The following SORCS1 variants were observed in gnomAD, a reference collection of about 807,000 sequenced individuals.
The protein encoded by SORCS1 is sortilin related VPS10 domain containing receptor 1.
Under a neutral mutation model 146.1 loss-of-function variants are expected in SORCS1, and 60 were observed. That is an observed-to-expected ratio of 0.41 (90% CI 0.33 to 0.51). The LOEUF is 0.51. SORCS1 is among the 20% of genes least tolerant of loss of function. The pLI is 0.21. For synonymous variants in SORCS1, 637 were observed against 584.0 expected, an observed-to-expected ratio of 1.09 and a Z score of -1.31; for missense variants, 1,352 against 1,487.6, an observed-to-expected ratio of 0.91 and a Z score of 1.50.
chr10:106,928,836 C>G (rs953252875), intron 2 of SORCS1, among the ~76,000 whole-genome samples: 1 of 151,038 alleles, frequency 6.6e-6, no homozygotes, highest in Admixed American at 6.6e-5. Flanking sequence ...CCCCCAATAC[C>G]TATTTTTTAT....
chr10:106,682,616 G>C (rs1852522937), intron 10 of SORCS1, among the ~76,000 whole-genome samples: 1 of 152,108 alleles, frequency 6.6e-6, no homozygotes, highest in South Asian at 2.1e-4. Context: ...AGTTTCTGAA[G>C]GACACAGGAC....
intron 2 of SORCS1, among the ~76,000 whole-genome samples, chr10:106,899,337 G>A (rs1479969356): frequency 6.6e-6 from 1 of 152,146 alleles, no homozygotes; most frequent in Non-Finnish European, 1.5e-5. Flanking sequence ...GCATTAATAG[G>A]AGAAGAGTAA....
At chr10:107,145,396 G>T (rs1037168974) in intron 1 of SORCS1, among the ~76,000 whole-genome samples, 1 of 152,130 alleles carries the variant, frequency 6.6e-6, no homozygotes, top group African/African-American at 2.4e-5. Flanking sequence ...TACAAAAATG[G>T]TTTTGTCTAA....
chr10:106,707,050 TG>T (rs1392762591), intron 7 of SORCS1, among the ~76,000 whole-genome samples: 1 of 152,158 alleles, frequency 6.6e-6, no homozygotes, highest in African/African-American at 2.4e-5. Flanking sequence ...CTCACATCTC[TG>T]GGCACTGAAT....
chr10:107,152,725 C>G (rs889096003), intron 1 of SORCS1, among the ~76,000 whole-genome samples: 1 of 152,142 alleles, frequency 6.6e-6, no homozygotes. Context: ...CTGGCGACAC[C>G]GAACTGTGAG....
chr10:107,084,308 G>A (rs966967832), intron 1 of SORCS1, among the ~76,000 whole-genome samples: 36 of 146,582 alleles, frequency 2.5e-4, no homozygotes, highest in African/African-American at 7.6e-4. Flanking sequence ...TGGTTTCACC[G>A]TAGCCAGGAT....
chr10:106,732,980 G>A (rs531004431), intron 5 of SORCS1, among the ~76,000 whole-genome samples: 13 of 147,490 alleles, frequency 8.8e-5, no homozygotes, highest in African/African-American at 3.5e-4. Context: ...TTAGCTGGGT[G>A]TGGTGGTGTG....
At chr10:107,009,236 G>T (rs1325320881) in intron 1 of SORCS1, among the ~76,000 whole-genome samples, 2 of 152,172 alleles carry the variant, frequency 1.3e-5, no homozygotes, top group Non-Finnish European at 2.9e-5. Context: ...ACTGTAAAAT[G>T]TTGTGACCCT....
chr10:107,046,138 G>A (rs1959398372), intron 1 of SORCS1, among the ~76,000 whole-genome samples: 1 of 152,006 alleles, frequency 6.6e-6, no homozygotes, highest in African/African-American at 2.4e-5. Flanking sequence ...GTACAGACAG[G>A]GTTTCACCAC....
chr10:106,671,840 C>T (rs1851631391), intron 15 of SORCS1, among the ~76,000 whole-genome samples: 1 of 152,206 alleles, frequency 6.6e-6, no homozygotes, highest in African/African-American at 2.4e-5. Context: ...CTTTACAGCA[C>T]AGATTTTAAT....
chr10:107,128,547 C>A (rs1966836944), intron 1 of SORCS1, among the ~76,000 whole-genome samples: 1 of 152,136 alleles, frequency 6.6e-6, no homozygotes, highest in Non-Finnish European at 1.5e-5. Flanking sequence ...GAAGTAACAA[C>A]AGTACTTTGT....
chr10:107,092,633 A>G (rs1287771099), intron 1 of SORCS1, among the ~76,000 whole-genome samples: 2 of 152,210 alleles, frequency 1.3e-5, no homozygotes, highest in Non-Finnish European at 2.9e-5. Context: ...AGATTAGCAA[A>G]GAACAGGCTT....
intron 2 of SORCS1, among the ~76,000 whole-genome samples, chr10:106,891,521 A>ATTTTTTTTTTTTTTTTTTTTT: frequency 2.0e-5 from 1 of 48,876 alleles, no homozygotes. Context: ...TTTTTTTGAG[A>ATTTTTTTTTTTTTTTTTTTTT]AAAGACCTTG....
intron 3 of SORCS1, among the ~76,000 whole-genome samples, chr10:106,797,264 A>G (rs757144124): frequency 1.3e-5 from 2 of 152,190 alleles, no homozygotes; most frequent in Non-Finnish European, 2.9e-5. Flanking sequence ...TATCTGCATC[A>G]AAGTGTTTCA....
At chr10:107,150,539 A>G (rs1224301278) in intron 1 of SORCS1, among the ~76,000 whole-genome samples, 1 of 152,242 alleles carries the variant, frequency 6.6e-6, no homozygotes, top group Non-Finnish European at 1.5e-5. Flanking sequence ...TGCTTTTGGA[A>G]GGGCACCGTC....
chr10:106,729,212 A>G (rs546786780), intron 6 of SORCS1, among the ~76,000 whole-genome samples: 2 of 152,364 alleles, frequency 1.3e-5, no homozygotes, highest in Admixed American at 1.3e-4. Context: ...CTTATTTACC[A>G]TATTAGCTTA....
chr10:106,739,797 A>C (rs1382569380), intron 5 of SORCS1, among the ~76,000 whole-genome samples: 1 of 151,776 alleles, frequency 6.6e-6, no homozygotes. Context: ...TAAAAAACAC[A>C]AAAAATTAGC....
chr10:107,065,454 C>G (rs71475440), intron 1 of SORCS1, among the ~76,000 whole-genome samples: 1 of 69,398 alleles, frequency 1.4e-5, no homozygotes, highest in Non-Finnish European at 2.9e-5. Flanking sequence ...TTTCTTTTCT[C>G]TCTTTCTCTC....
At chr10:106,738,054 C>A (rs542289567) in intron 5 of SORCS1, among the ~76,000 whole-genome samples, 98 of 152,154 alleles carry the variant, frequency 6.4e-4, no homozygotes, top group South Asian at 1.2e-3. Flanking sequence ...ATGAAAATAT[C>A]CGATTTTTTC....
Sources: allele counts gnomAD v4.1 joint callset (sites outside exome capture counted in the v4.1 genomes callset), GRCh38; gene constraint gnomAD v4.1.1; transcripts MANE v1.5; gene names NCBI Gene and HGNC (gene_info 2026-07-23, HGNC 2026-07-21).